Variants in BCOR observed in about 807,000 individuals in gnomAD.
The protein encoded by BCOR is BCL-6 corepressor.
A neutral mutation model predicts 86.7 loss-of-function variants in BCOR; 10 were observed. The ratio of observed to expected loss-of-function variants is 0.12; its 90% CI spans 0.07 to 0.20. The LOEUF (loss-of-function observed/expected upper bound fraction) is 0.20, where lower values mean the gene tolerates loss of function less well. BCOR is among the 10% of genes least tolerant of loss of function. The probability of loss-of-function intolerance (pLI) is 1.00; values close to 1 mark genes in which losing one functional copy is unlikely to be tolerated. For synonymous variants in BCOR, 611 were observed against 609.0 expected (o/e 1.00, Z -0.05); for missense variants, 1,259 against 1,452.1 (o/e 0.87, Z 2.16).
At position 40,063,084 on chromosome X, in the gene BCOR, G is replaced by T. The variant is rs1208262236; in HGVS notation, c.3848-13C>A. 10 of 1,099,402 alleles carry T rather than the reference G, an allele frequency of 9.1e-6. No homozygotes were observed. The highest frequency in any genetic ancestry group is 2.7e-5 in the Admixed American group (1 of 37,231). The allele number at this position is 1,099,402 out of a possible 1,213,427, so 90.6% of individuals were successfully genotyped here. On this transcript the variant is annotated splice_polypyrimidine_tract_variant and intron_variant, in intron 8 of 14. Transcript: ENST00000378444. ...AACACAGGCAAGCCTAAATACGGAGGGGGTGACGGGGTGGCGGGCGGATGG... is the reference window on the plus strand; with the variant it reads ...AACACAGGCAAGCCTAAATACGGAGTGGGTGACGGGGTGGCGGGCGGATGG...
intron 1 of BCOR, among the ~76,000 whole-genome samples, chrX:40,137,480 G>A (rs1009204533): frequency 1.6e-4 from 18 of 109,883 alleles, no homozygotes; most frequent in East Asian, 5.6e-4. Flanking sequence ...CCCAGGAGGC[G>A]GAGGTTGCAG....
At chrX:40,086,847 G>A (rs1204835127) in intron 1 of BCOR, among the ~76,000 whole-genome samples, 2 of 113,274 alleles carry the variant, frequency 1.8e-5, no homozygotes, top group Non-Finnish European at 3.7e-5. Flanking sequence ...TTCACACCAA[G>A]CCCAGCAGCT....
chrX:40,167,005 A>C (rs995644014), intron 1 of BCOR, among the ~76,000 whole-genome samples: 6 of 111,567 alleles, frequency 5.4e-5, no homozygotes, highest in African/African-American at 2.0e-4. Flanking sequence ...AATCAAGTTC[A>C]GAGTGGCTGC....
intron 1 of BCOR, among the ~76,000 whole-genome samples, chrX:40,126,606 G>A (rs1279507892): frequency 9.0e-6 from 1 of 111,217 alleles, no homozygotes; most frequent in Admixed American, 9.5e-5. Flanking sequence ...ACAGTGGCTC[G>A]CACTTTGGGA....
intron 1 of BCOR, among the ~76,000 whole-genome samples, chrX:40,112,226 TC>T (rs1313384991): frequency 7.2e-5 from 8 of 111,109 alleles, no homozygotes; most frequent in African/African-American, 2.6e-4. Flanking sequence ...GCCTGGATCC[TC>T]CCCTTCCTCC....
rs376263064 is a variant in BCOR at position 40,073,655 on chromosome X, G to A, written c.1691C>T (p.Ala564Val). Reference sequence around the variant, plus strand: ...GGGTGATGCGGAGGCTGGGCGGCCTGCACTCGACACTGACCCTGAAACGTT... The same window carrying A: ...GGGTGATGCGGAGGCTGGGCGGCCTACACTCGACACTGACCCTGAAACGTT... ...ITNVSGSVSSAGRPASASPAP... is the reference protein window; with the variant it reads ...ITNVSGSVSSVGRPASASPAP... Residue 564 changes from alanine (A) to valine (V), a missense_variant, in exon 4 of 15, where the codon GCA becomes GTA. Ala to Val is a moderately conservative substitution (Grantham distance 64). This residue lies in a region of BCOR where 534 missense variants were observed against 594.8 expected (regional missense o/e 0.90). Coordinates refer to ENST00000378444, the MANE Select transcript of BCOR (RefSeq NM_001123385.2). The A allele has an allele frequency of 1.6e-6, 2 of 1,212,460 alleles. No individual in the cohort carries two copies. The highest frequency in any genetic ancestry group is 1.1e-6 in the Non-Finnish European group (1 of 895,690).
exon 1 of BCOR, chrX:40,177,142 G>C (rs775062099): frequency 9.0e-6 from 1 of 110,738 alleles, no homozygotes; most frequent in Non-Finnish European, 1.9e-5. Flanking sequence ...GTCTCAGATC[G>C]AAAGAGCCAC....
intron 7 of BCOR, 87 bp from the exon 8 acceptor site, chrX:40,064,039 G>A (rs1176576108): frequency 1.6e-6 from 1 of 634,257 alleles, no homozygotes; most frequent in Admixed American, 3.4e-5. Context: ...GTGGGGGAGG[G>A]GGGGTGTGGT....
intron 1 of BCOR, among the ~76,000 whole-genome samples, chrX:40,121,290 C>T (rs1015486647): frequency 6.3e-5 from 7 of 111,130 alleles, no homozygotes; most frequent in Non-Finnish European, 1.3e-4. Flanking sequence ...CTTAGATTTG[C>T]GATCCCTCCA....
At chrX:40,068,437 G>A (rs1265699654) in intron 6 of BCOR, among the ~76,000 whole-genome samples, 3 of 112,152 alleles carry the variant, frequency 2.7e-5, no homozygotes, top group Non-Finnish European at 5.6e-5. Flanking sequence ...TGTCCTGGAA[G>A]AGAAGTTTCC....
chrX:40,095,214 C>A (rs1328298241), intron 1 of BCOR, among the ~76,000 whole-genome samples: 1 of 112,142 alleles, frequency 8.9e-6, no homozygotes, highest in East Asian at 2.8e-4. Context: ...CACTGCAAAA[C>A]CCACACCAGA....
intron 1 of BCOR, among the ~76,000 whole-genome samples, chrX:40,111,337 TTATC>T (rs1339350343): frequency 1.8e-5 from 2 of 111,845 alleles, no homozygotes; most frequent in Non-Finnish European, 3.8e-5. Flanking sequence ...GGTTCCCTAT[TTATC>T]TGTTTCCCTG....
At chrX:40,159,559 C>T (rs1008921274) in intron 1 of BCOR, among the ~76,000 whole-genome samples, 4 of 110,122 alleles carry the variant, frequency 3.6e-5, no homozygotes, top group Non-Finnish European at 7.6e-5. Context: ...ACCGTGTTAG[C>T]CAGGATGGTC....
chrX:40,083,232 C>T (rs987081497), intron 1 of BCOR, among the ~76,000 whole-genome samples: 1 of 110,980 alleles, frequency 9.0e-6, no homozygotes, highest in African/African-American at 3.3e-5. Context: ...CCCCCCAGGT[C>T]CCTGGGAGGC....
At chrX:40,070,104 G>A (rs1040172904) in intron 6 of BCOR, among the ~76,000 whole-genome samples, 5 of 110,978 alleles carry the variant, frequency 4.5e-5, no homozygotes, top group East Asian at 5.7e-4. Context: ...AACCTCCGAC[G>A]GCCCATGGTG....
At chrX:40,097,116 GGAGGGGGCCCCGGGA>G (rs1936921424) in intron 1 of BCOR, 84 bp downstream of exon 1, 1 of 112,792 alleles carries the variant, frequency 8.9e-6, no homozygotes, top group Admixed American at 9.2e-5. Flanking sequence ...GTACGCTGCG[GGAGGGGGCCCCGGGA>G]GAGGGGGCCG....
rs200865709 is a variant in BCOR at position 40,062,361 on chromosome X, C to A, written c.4206G>T (p.Glu1402Asp). Residue 1402 changes from glutamate to aspartate, a missense_variant, in exon 10 of 15, where the codon GAG becomes GAT. Transcript: ENST00000378444. ...GTGACAGATCATAGTCCGAACTGGG[C>A]TCCGGCCGCTTTCTGAATCTCCGGA... ...VTVRRFRKRP[E>D]PSSDYDLSPA... The A allele has an allele frequency of 8.3e-7, 1 of 1,205,468 alleles. No homozygotes were observed. The highest frequency in any genetic ancestry group is 2.3e-4 in the Middle Eastern group (1 of 4,337).
chrX:40,108,325 C>T lies in BCOR; in HGVS notation c.-40-30356G>A, dbSNP rs781455811. ...GGCTTCCCTTCCCCGGCGACCCCCG[C>T]TCTCTTGGCCTACTGCGCTGCTCGC... On this transcript the variant is annotated intron_variant, in intron 1 of 14. Transcript: ENST00000342274. Among the ~76,000 whole-genome samples the T allele has an allele frequency of 4.0e-4, 45 of 113,331 alleles. 1 individual carries two copies. The highest frequency in any genetic ancestry group is 1.3e-3 in the African/African-American group (42 of 31,327).
At chrX:40,119,537 G>C (rs1937451876) in intron 1 of BCOR, among the ~76,000 whole-genome samples, 1 of 110,960 alleles carries the variant, frequency 9.0e-6, no homozygotes, top group Non-Finnish European at 1.9e-5. Flanking sequence ...GCTGGGTGTG[G>C]TGGGCGTGCT....
Sources: allele counts gnomAD v4.1 joint callset (sites outside exome capture counted in the v4.1 genomes callset), GRCh38; gene constraint gnomAD v4.1.1; regional missense constraint gnomAD v4.1.1; transcripts MANE v1.5; gene names NCBI Gene and HGNC (gene_info 2026-07-23, HGNC 2026-07-21).